The following XPO4 variants were observed in gnomAD, a reference collection of about 807,000 sequenced individuals.
XPO4 encodes the protein exportin 4.
Under a neutral mutation model 143.0 loss-of-function variants are expected in XPO4, and 39 were observed. The observed-to-expected ratio is 0.27, with a 90% confidence interval of 0.21 to 0.36. The LOEUF (loss-of-function observed/expected upper bound fraction) is 0.36. Ranked by LOEUF, XPO4 falls within the 10% of genes least tolerant of loss-of-function variation. The pLI is 1.00. For missense variants in XPO4, 907 were observed against 1,348.0 expected (o/e 0.67, Z 5.12); for synonymous variants, 439 against 474.0 (o/e 0.93, Z 0.96).
At position 20,811,286 on chromosome 13, in the gene XPO4, T is replaced by C. The variant is rs75666463; in HGVS notation, c.1174-1319A>G. Among the ~76,000 whole-genome samples the C allele has an allele frequency of 8.6e-5, 13 of 150,630 alleles. No homozygotes were observed. In the East Asian group the frequency reaches 2.3e-3, roughly 27 times the overall value. ...TGCTTGAAACAGATAGAATGCTTTT[T>C]TCTTTTTTTTTTTTTTTTTGAGATG... is the stretch of plus-strand genomic sequence containing the variant. On this transcript the variant is annotated intron_variant, in intron 9 of 22. Transcript: ENST00000255305.
At position 20,783,881 on chromosome 13, in the gene XPO4, A is replaced by C; in HGVS notation, c.3297T>G (p.Ser1099Arg). 6.2e-7 allele frequency: 1 copy of C among 1,614,164 alleles called. No homozygotes were observed. Among genetic ancestry groups the C allele is most frequent in the Non-Finnish European group, 8.5e-7 (1 of 1,180,026 alleles). ...TCTGGTAAATAACTGGGTCTTGCTG[A>C]CTTGATAGTAATGTTTCGACCAGTT... ...YSELVETLLS[S>R]QQDPVIYQRL... The change falls in exon 23 of 23, where the codon AGT becomes AGG. Residue 1099 changes from serine (S) to arginine (R), a missense_variant. Physicochemically the swap from Ser to Arg is moderately radical, Grantham distance 110 (BLOSUM62 -1). Transcript: ENST00000255305.
intron 9 of XPO4, 74 bp downstream of exon 9, chr13:20,821,630 A>G: frequency 6.8e-7 from 1 of 1,467,314 alleles, no homozygotes; most frequent in Non-Finnish European, 9.2e-7. Context: ...ATTACTTGTC[A>G]TGAGAAATGT....
chr13:20,898,921 AT>A (rs1244794341), intron 1 of XPO4, among the ~76,000 whole-genome samples: 1 of 152,164 alleles, frequency 6.6e-6, no homozygotes, highest in Non-Finnish European at 1.5e-5. Flanking sequence ...TACGCCTATA[AT>A]TCCAGCACTT....
intron 1 of XPO4, among the ~76,000 whole-genome samples, chr13:20,885,208 C>CAT (rs2060450043): frequency 6.6e-6 from 1 of 152,108 alleles, no homozygotes; most frequent in Admixed American, 6.6e-5. Context: ...CCTTGGCCTC[C>CAT]CAAAGTGCTG....
rs2059117050 is a variant in XPO4, at chr13:20,779,511, T to G, written c.*4211A>C. ...CCAAAAAAAAAGACACCTCTCCAATTGCTGGGAGGGCCTGGGAATAGGTGA... is the reference window on the plus strand; with the variant it reads ...CCAAAAAAAAAGACACCTCTCCAATGGCTGGGAGGGCCTGGGAATAGGTGA... On this transcript the variant is annotated 3_prime_UTR_variant, in exon 23 of 23. Transcript: ENST00000255305. The G allele has an allele frequency of 6.6e-6, 1 of 152,374 alleles. No individual in the cohort carries two copies. 9.4% of individuals were successfully genotyped at this position (152,374 alleles called of 1,614,324 possible).
chr13:20,777,990 A>G lies in XPO4; in HGVS notation c.*5732T>C, dbSNP rs1188640877. 6.6e-6 allele frequency: 1 copy of G among 152,232 alleles called. No homozygotes were observed. Among genetic ancestry groups the G allele is most frequent in the African/African-American group, 2.4e-5 (1 of 41,464 alleles). 9.4% of individuals were successfully genotyped at this position (152,232 alleles called of 1,614,324 possible). A position where few individuals can be genotyped will look rare whatever the true frequency, so the allele number is the denominator to read the frequency against. On this transcript the variant is annotated 3_prime_UTR_variant, in exon 23 of 23. Transcript: ENST00000255305. ...ACTGAACTGCCATTTGAGATTACAT[A>G]GAATGCACAAGACTCAATCTGAGAC...
At chr13:20,877,540 T>C (rs1162755891) in intron 1 of XPO4, among the ~76,000 whole-genome samples, 1 of 152,210 alleles carries the variant, frequency 6.6e-6, no homozygotes, top group East Asian at 1.9e-4. Flanking sequence ...AGATTGAAGA[T>C]ATCCTCTAAG....
At chr13:20,854,169 G>A (rs769462596) in intron 4 of XPO4, among the ~76,000 whole-genome samples, 57 of 152,122 alleles carry the variant, frequency 3.7e-4, no homozygotes, top group Non-Finnish European at 6.3e-4. Context: ...CAAAAAACAC[G>A]TAGGGTATAT....
intron 2 of XPO4, among the ~76,000 whole-genome samples, chr13:20,864,237 A>G (rs1048501979): frequency 6.6e-6 from 1 of 151,982 alleles, no homozygotes; most frequent in Non-Finnish European, 1.5e-5. Context: ...TTAAAAAAAA[A>G]GGGGGACCCA....
chr13:20,783,956 T>TAGAATATCATACAAGTAGATCTTATC (rs1308679211), intron 22 of XPO4, 37 bp from the exon 23 acceptor site: 4 of 1,594,032 alleles, frequency 2.5e-6, no homozygotes, highest in Non-Finnish European at 3.4e-6. Context: ...GTATCCTCCT[T>TAGAATATCATACAAGTAGATCTTATC]AGAATATCAT....
chr13:20,844,926 C>A (rs1186197236), intron 4 of XPO4, among the ~76,000 whole-genome samples: 1 of 152,210 alleles, frequency 6.6e-6, no homozygotes, highest in African/African-American at 2.4e-5. Flanking sequence ...AATCCCAACA[C>A]TTTGGGAGGC....
At chr13:20,836,462 T>C (rs2059918222) in intron 6 of XPO4, among the ~76,000 whole-genome samples, 1 of 152,184 alleles carries the variant, frequency 6.6e-6, no homozygotes, top group Admixed American at 6.5e-5. Flanking sequence ...TTCCTGCTTT[T>C]TCACTACTGA....
chr13:20,872,611 T>C (rs2060310066), intron 1 of XPO4, among the ~76,000 whole-genome samples: 1 of 152,142 alleles, frequency 6.6e-6, no homozygotes, highest in South Asian at 2.1e-4. Context: ...TGGAAGGTAA[T>C]CTCACTAATC....
At chr13:20,815,648 G>T (rs1379817068) in intron 9 of XPO4, among the ~76,000 whole-genome samples, 1 of 152,070 alleles carries the variant, frequency 6.6e-6, no homozygotes, top group African/African-American at 2.4e-5. Flanking sequence ...TGATCATCAA[G>T]ATTATCTTCA....
chr13:20,798,739 G>A (rs1339163743), intron 16 of XPO4, among the ~76,000 whole-genome samples: 4 of 152,076 alleles, frequency 2.6e-5, no homozygotes, highest in Admixed American at 2.6e-4. Flanking sequence ...TGACTGGGCC[G>A]GGCACAGTGG....
intron 4 of XPO4, among the ~76,000 whole-genome samples, chr13:20,847,734 C>T (rs1169240921): frequency 1.3e-5 from 2 of 152,118 alleles, no homozygotes; most frequent in East Asian, 3.8e-4. Flanking sequence ...TAATTAATGT[C>T]AGTGAATTCG....
intron 3 of XPO4, 75 bp from the exon 4 acceptor site, chr13:20,855,840 C>T: frequency 7.2e-7 from 1 of 1,398,212 alleles, no homozygotes; most frequent in South Asian, 1.5e-5. Context: ...TCTCTCTATG[C>T]CTGAAGCTAC....
intron 6 of XPO4, among the ~76,000 whole-genome samples, chr13:20,834,819 G>A (rs979202770): frequency 6.6e-6 from 1 of 152,028 alleles, no homozygotes; most frequent in African/African-American, 2.4e-5. Flanking sequence ...AAATTAGCCA[G>A]GTGTGGTGAT....
chr13:20,871,395 C>A (rs2060297017), intron 1 of XPO4, among the ~76,000 whole-genome samples: 1 of 152,172 alleles, frequency 6.6e-6, no homozygotes. Context: ...TCATAGTTCA[C>A]TGTAACCTCA....
Sources: allele counts gnomAD v4.1 joint callset (sites outside exome capture counted in the v4.1 genomes callset), GRCh38; gene constraint gnomAD v4.1.1; transcripts MANE v1.5; gene names NCBI Gene and HGNC (gene_info 2026-07-23, HGNC 2026-07-21).